The following GALNT18 variants were observed in gnomAD, a reference collection of about 807,000 sequenced individuals.
GALNT18 encodes the protein polypeptide N-acetylgalactosaminyltransferase 18, also known as GalNAc-transferase 18.
Under a neutral mutation model 69.5 loss-of-function variants are expected in GALNT18, and 44 were observed. That is an observed-to-expected ratio of 0.63 (90% CI 0.50 to 0.81). The LOEUF (loss-of-function observed/expected upper bound fraction) is 0.81. GALNT18 is among the 40% of genes least tolerant of loss of function. The pLI, the probability that GALNT18 is intolerant of heterozygous loss-of-function variation, is 0.00. For missense variants in GALNT18, 715 were observed against 810.0 expected, an observed-to-expected ratio of 0.88 and a Z score of 1.42; for synonymous variants, 364 against 318.2, an observed-to-expected ratio of 1.14 and a Z score of -1.53.
intron 1 of GALNT18, among the ~76,000 whole-genome samples, chr11:11,539,440 C>T (rs1857860161): frequency 6.6e-6 from 1 of 152,218 alleles, no homozygotes; most frequent in Admixed American, 6.5e-5. Context: ...CCTGGCCACC[C>T]TTCCAGAGAG....
rs372579300 is a variant in GALNT18 at position 11,586,989 on chromosome 11, C to CAAATAAATAAAT, written c.235+34358_235+34369dup. Among the ~76,000 whole-genome samples the CAAATAAATAAAT allele has an allele frequency of 5.2e-3, 784 of 151,646 alleles. 3 individuals carry two copies. The highest frequency in any genetic ancestry group is 0.018 in the African/African-American group (750 of 41,176). ...GGGAACAAGAGTGAAACCCCATCTC[C>CAAATAAATAAAT]AAATAAATAAATAAATAAATAAATA... On this transcript the variant is annotated intron_variant, in intron 1 of 10. Coordinates refer to ENST00000227756, the MANE Select transcript of GALNT18 (RefSeq NM_198516.3). The surrounding 1 kb of genome is among the most constrained non-coding windows in gnomAD (Gnocchi z 4.1).
At chr11:11,369,992 T>C (rs576072736) in intron 6 of GALNT18, among the ~76,000 whole-genome samples, 1 of 152,276 alleles carries the variant, frequency 6.6e-6, no homozygotes, top group East Asian at 1.9e-4. Context: ...ATCATAAAGA[T>C]CTGGGGCTGA....
intron 1 of GALNT18, among the ~76,000 whole-genome samples, chr11:11,516,166 A>G (rs1857271534): frequency 6.6e-6 from 1 of 152,178 alleles, no homozygotes; most frequent in Admixed American, 6.5e-5. Context: ...GCTGGAAGGG[A>G]AGGATGTGTA....
chr11:11,393,514 T>C (rs1170467850), intron 3 of GALNT18, among the ~76,000 whole-genome samples: 1 of 152,262 alleles, frequency 6.6e-6, no homozygotes, highest in African/African-American at 2.4e-5. Flanking sequence ...CATCAGCCTG[T>C]TTCTAGGCCC....
At chr11:11,464,963 G>C (rs1207954824) in intron 1 of GALNT18, among the ~76,000 whole-genome samples, 2 of 152,200 alleles carry the variant, frequency 1.3e-5, no homozygotes, top group African/African-American at 2.4e-5. Context: ...TACTGGTCAG[G>C]TGCTGGGCTG....
intron 5 of GALNT18, among the ~76,000 whole-genome samples, chr11:11,376,154 G>C (rs1025147892): frequency 6.6e-6 from 1 of 152,020 alleles, no homozygotes; most frequent in African/African-American, 2.4e-5. Flanking sequence ...AGGCCGAGGC[G>C]GGTAGATCAC....
At chr11:11,526,566 A>T (rs1309202946) in intron 1 of GALNT18, among the ~76,000 whole-genome samples, 1 of 152,172 alleles carries the variant, frequency 6.6e-6, no homozygotes, top group Non-Finnish European at 1.5e-5. Context: ...AGAGCTGGTT[A>T]TATTGCAGTA....
Position 11,396,912 on chromosome 11 carries a change from C to G in GALNT18, c.596-17648G>C, listed in dbSNP as rs926228885. On this transcript the variant is annotated intron_variant, in intron 3 of 10. Coordinates refer to ENST00000227756, the MANE Select transcript of GALNT18 (RefSeq NM_198516.3). The surrounding 1 kb of genome is among the most constrained non-coding windows in gnomAD (Gnocchi z 5.2). ...ACTTGCTGAGCTAACAACTTCCTCT[C>G]CCAGTGGCTGGAGAGAATGATGCCA... 1.3e-5 allele frequency among the ~76,000 whole-genome samples: 2 copies of G among 152,098 alleles called. No individual in the cohort carries two copies. The highest frequency in any genetic ancestry group is 4.8e-5 in the African/African-American group (2 of 41,416).
intron 4 of GALNT18, among the ~76,000 whole-genome samples, chr11:11,378,140 CA>C (rs1853818871): frequency 6.6e-6 from 1 of 152,204 alleles, no homozygotes; most frequent in Non-Finnish European, 1.5e-5. Flanking sequence ...GCAGGGACTT[CA>C]ACTATAAAAA....
At position 11,339,634 on chromosome 11, in the gene GALNT18, T is replaced by C. The variant is rs548838381; in HGVS notation, c.1278+1185A>G. 6.6e-6 allele frequency among the ~76,000 whole-genome samples: 1 copy of C among 152,198 alleles called. No individual in the cohort carries two copies. The highest frequency in any genetic ancestry group is 1.5e-5 in the Non-Finnish European group (1 of 68,036). On this transcript the variant is annotated intron_variant, in intron 7 of 10. Coordinates refer to ENST00000227756, the MANE Select transcript of GALNT18 (RefSeq NM_198516.3). The surrounding 1 kb of genome is among the most constrained non-coding windows in gnomAD (Gnocchi z 5.2). ...TGCAGTTCCCCAGAAACACTCTTAC[T>C]GTCAGGAATGCAATCCCGGGCTGGT...
chr11:11,277,093 CAA>C (rs1564875124), intron 10 of GALNT18, among the ~76,000 whole-genome samples: 19 of 152,158 alleles, frequency 1.2e-4, no homozygotes, highest in African/African-American at 4.3e-4. Flanking sequence ...ATGGTACCAG[CAA>C]CTCTTTGTGC....
chr11:11,594,981 ATG>A (rs75359341), intron 1 of GALNT18, among the ~76,000 whole-genome samples: 5,456 of 147,070 alleles, frequency 0.037, 354 homozygotes, highest in African/African-American at 0.13. Context: ...AAATATACAT[ATG>A]TGTGTGTGTG....
At position 11,584,933 on chromosome 11, in the gene GALNT18, T is replaced by C. The variant is rs1295369780; in HGVS notation, c.235+36426A>G. ...ATAAAATCCAAGCTTTTAAGGAAAATTTATAATTATGGAAAACTTGCCTCC... is the reference window on the plus strand; with the variant it reads ...ATAAAATCCAAGCTTTTAAGGAAAACTTATAATTATGGAAAACTTGCCTCC... On this transcript the variant is annotated intron_variant, in intron 1 of 10. Transcript: ENST00000227756. The surrounding 1 kb of genome is among the most constrained non-coding windows in gnomAD (Gnocchi z 4.1). 6.6e-6 allele frequency among the ~76,000 whole-genome samples: 1 copy of C among 152,142 alleles called. No homozygotes were observed. Among genetic ancestry groups the C allele is most frequent in the Non-Finnish European group, 1.5e-5 (1 of 68,036 alleles).
At chr11:11,393,541 G>GGC (rs1854246529) in intron 3 of GALNT18, among the ~76,000 whole-genome samples, 1 of 152,248 alleles carries the variant, frequency 6.6e-6, no homozygotes, top group Non-Finnish European at 1.5e-5. Context: ...AGGCCATGTG[G>GGC]GCTTCCTTGC....
intron 10 of GALNT18, among the ~76,000 whole-genome samples, chr11:11,286,029 TC>T (rs1849185872): frequency 6.6e-6 from 1 of 152,036 alleles, no homozygotes. Flanking sequence ...TCCGCAACGT[TC>T]CCCACTTGGA....
intron 1 of GALNT18, among the ~76,000 whole-genome samples, chr11:11,553,460 C>T (rs1159826160): frequency 2.0e-5 from 3 of 152,318 alleles, no homozygotes; most frequent in East Asian, 1.9e-4. Context: ...AGGGCATGGA[C>T]GGGACCCAGG....
At chr11:11,473,616 T>A (rs1379993619) in intron 1 of GALNT18, among the ~76,000 whole-genome samples, 1 of 152,200 alleles carries the variant, frequency 6.6e-6, no homozygotes, top group Non-Finnish European at 1.5e-5. Context: ...GAAGGTAGGC[T>A]TGAGGGCAGC....
chr11:11,534,240 A>G (rs1267872334), intron 1 of GALNT18, among the ~76,000 whole-genome samples: 1 of 152,222 alleles, frequency 6.6e-6, no homozygotes, highest in African/African-American at 2.4e-5. Flanking sequence ...GGTGACTCCT[A>G]TCGCCAACCT....
At chr11:11,462,168 AG>A (rs1856057242) in intron 1 of GALNT18, among the ~76,000 whole-genome samples, 1 of 152,146 alleles carries the variant, frequency 6.6e-6, no homozygotes, top group Non-Finnish European at 1.5e-5. Context: ...GAGGATGCTA[AG>A]GCTGCCGGTC....
Sources: allele counts gnomAD v4.1 joint callset (sites outside exome capture counted in the v4.1 genomes callset), GRCh38; gene constraint gnomAD v4.1.1; non-coding constraint Gnocchi (gnomAD v3.1); transcripts MANE v1.5; gene names NCBI Gene and HGNC (gene_info 2026-07-23, HGNC 2026-07-21).